RAB38: variants seen among roughly 807,000 people sequenced by gnomAD.
RAB38 encodes the protein RAB38, member RAS oncogene family.
In RAB38, 15 loss-of-function variants were observed where a neutral mutation model predicts 18.4. The observed-to-expected ratio is 0.82, with a 90% CI of 0.55 to 1.26. The LOEUF is 1.26. Ranked by LOEUF, RAB38 falls within the 50% of genes most tolerant of loss-of-function variation. The pLI is 0.00. For missense variants in RAB38, 294 were observed against 267.4 expected, an observed-to-expected ratio of 1.10 and a Z score of -0.69; for synonymous variants, 101 against 104.4, an observed-to-expected ratio of 0.97 and a Z score of 0.20.
chr11:87,835,931 C>T, the RAB38 span, among the ~76,000 whole-genome samples: 1 of 152,196 alleles, frequency 6.6e-6, no homozygotes, highest in Non-Finnish European at 1.5e-5. Flanking sequence ...CAATTTTACC[C>T]ATTGACATCC....
intron 2 of RAB38, among the ~76,000 whole-genome samples, chr11:88,130,105 C>G (rs955607433): frequency 2.0e-5 from 3 of 152,014 alleles, no homozygotes; most frequent in Non-Finnish European, 4.4e-5. Context: ...GTAAGTTATT[C>G]TCACAGATGG....
At chr11:88,029,006 A>G in the RAB38 span, among the ~76,000 whole-genome samples, 20 of 152,214 alleles carry the variant, frequency 1.3e-4, no homozygotes, top group South Asian at 2.9e-3. Flanking sequence ...TCAAAGGGAA[A>G]CCCATCAGAC....
At chr11:87,955,873 G>GCACACACACACA in the RAB38 span, among the ~76,000 whole-genome samples, 4 of 148,506 alleles carry the variant, frequency 2.7e-5, no homozygotes, top group Admixed American at 6.7e-5. Context: ...CAAACAGTAT[G>GCACACACACACA]CACACACACA....
the RAB38 span, among the ~76,000 whole-genome samples, chr11:87,902,341 G>A: frequency 2.0e-5 from 3 of 151,520 alleles, no homozygotes; most frequent in South Asian, 2.1e-4. Context: ...TATTGTATCC[G>A]CAATTGTCGA....
the RAB38 span, among the ~76,000 whole-genome samples, chr11:87,958,924 A>T: frequency 6.6e-6 from 1 of 152,128 alleles, no homozygotes; most frequent in Non-Finnish European, 1.5e-5. Context: ...TTATACCCCA[A>T]ATAAGACAAT....
the RAB38 span, among the ~76,000 whole-genome samples, chr11:87,938,380 C>T: frequency 3.2e-4 from 49 of 152,188 alleles, no homozygotes; most frequent in African/African-American, 1.1e-3. Flanking sequence ...GTGGAAGACT[C>T]ACCACTGGCT....
the RAB38 span, among the ~76,000 whole-genome samples, chr11:87,968,243 A>G: frequency 6.6e-5 from 10 of 152,130 alleles, no homozygotes; most frequent in Non-Finnish European, 1.3e-4. Flanking sequence ...CAGCCATTTC[A>G]TGGCACAACA....
chr11:87,839,760 C>G, the RAB38 span, among the ~76,000 whole-genome samples: 1 of 152,152 alleles, frequency 6.6e-6, no homozygotes, highest in African/African-American at 2.4e-5. Context: ...GACTTGGATG[C>G]TAAGAAATTT....
At chr11:88,094,810 A>G in the RAB38 span, among the ~76,000 whole-genome samples, 1 of 151,896 alleles carries the variant, frequency 6.6e-6, no homozygotes, top group Non-Finnish European at 1.5e-5. Flanking sequence ...CTGGCAGGCA[A>G]TTATATATTT....
At chr11:88,152,349 A>T (rs934915811) in intron 1 of RAB38, among the ~76,000 whole-genome samples, 1 of 152,186 alleles carries the variant, frequency 6.6e-6, no homozygotes, top group African/African-American at 2.4e-5. Flanking sequence ...TATGATAAAG[A>T]GTTATTTTAA....
chr11:88,128,977 A>G lies in RAB38; in HGVS notation c.484-14837T>C, dbSNP rs75426942. ...ACCTGGCATGGCTCAATGATTTTGA[A>G]TCTGGAAACCCTCAGTTGTATTTAC... On this transcript the variant is annotated intron_variant, in intron 2 of 2. Coordinates refer to ENST00000243662, the MANE Select transcript of RAB38 (RefSeq NM_022337.3). 1.2e-4 allele frequency among the ~76,000 whole-genome samples: 18 copies of G among 152,338 alleles called. No individual in the cohort carries two copies. The East Asian group carries it at 2.7e-3, about 23-fold the overall frequency.
the RAB38 span, among the ~76,000 whole-genome samples, chr11:88,009,005 T>G: frequency 6.6e-6 from 1 of 152,108 alleles, no homozygotes; most frequent in African/African-American, 2.4e-5. Context: ...AAACGTGGTC[T>G]CTAACAAAAA....
the RAB38 span, among the ~76,000 whole-genome samples, chr11:87,961,830 G>A: frequency 6.6e-6 from 1 of 152,066 alleles, no homozygotes; most frequent in African/African-American, 2.4e-5. Context: ...CTAAATAGTA[G>A]GGCTGCATTA....
At chr11:88,045,130 G>A in the RAB38 span, among the ~76,000 whole-genome samples, 1 of 152,112 alleles carries the variant, frequency 6.6e-6, no homozygotes, top group Non-Finnish European at 1.5e-5. Context: ...GCAACCCTGA[G>A]ATGCTTTACA....
At chr11:88,063,290 A>G in the RAB38 span, among the ~76,000 whole-genome samples, 8 of 152,222 alleles carry the variant, frequency 5.3e-5, no homozygotes, top group South Asian at 1.7e-3. Flanking sequence ...TACTTCCCCT[A>G]TGCACATCCC....
the RAB38 span, among the ~76,000 whole-genome samples, chr11:87,808,959 G>C: frequency 7.9e-5 from 12 of 151,928 alleles, no homozygotes; most frequent in Non-Finnish European, 2.9e-5. Context: ...GAAAATATTA[G>C]AAATAGAGCA....
At chr11:87,921,815 A>G in the RAB38 span, among the ~76,000 whole-genome samples, 1 of 151,738 alleles carries the variant, frequency 6.6e-6, no homozygotes, top group African/African-American at 2.4e-5. Context: ...GATAGCAGCT[A>G]GTTTATTTCA....
At chr11:87,816,330 G>C in the RAB38 span, 3 of 152,526 alleles carry the variant, frequency 2.0e-5, no homozygotes, top group East Asian at 5.8e-4. Context: ...GTGGTGCTGT[G>C]GGTTGTGGTA....
the RAB38 span, among the ~76,000 whole-genome samples, chr11:87,854,984 A>G: frequency 2.6e-5 from 4 of 151,888 alleles, no homozygotes; most frequent in South Asian, 4.2e-4. Context: ...TTTAGTAGAG[A>G]TCGGGTTTCA....
Sources: gnomAD v4.1 joint callset for allele counts (sites outside exome capture counted in the v4.1 genomes callset) on GRCh38, gnomAD v4.1.1 for gene constraint, MANE v1.5 for transcripts, NCBI Gene and HGNC (gene_info 2026-07-23, HGNC 2026-07-21) for gene names.